Variants in DDO observed in about 807,000 individuals in gnomAD.
DDO encodes the protein D-aspartate oxidase, DDO.
A neutral mutation model predicts 16.8 loss-of-function variants in DDO; 16 were observed. The ratio of observed to expected loss-of-function variants is 0.95; its 90% CI spans 0.65 to 1.45. DDO has a LOEUF of 1.45. Among genes scored for constraint, DDO ranks in the 40% most tolerant of loss-of-function variants. The probability of loss-of-function intolerance (pLI) is 0.00; values close to 1 mark genes in which losing one functional copy is unlikely to be tolerated. For missense variants in DDO, 429 were observed against 420.3 expected, an observed-to-expected ratio of 1.02 and a Z score of -0.18; for synonymous variants, 180 against 167.2, an observed-to-expected ratio of 1.08 and a Z score of -0.59.
At chr6:110,397,100 A>G (rs1306480130) in intron 4 of DDO, among the ~76,000 whole-genome samples, 1 of 152,194 alleles carries the variant, frequency 6.6e-6, no homozygotes, top group African/African-American at 2.4e-5. Context: ...TTATATCCAT[A>G]ATATGGGGGT....
chr6:110,394,569 A>G (rs1166626611), intron 4 of DDO, among the ~76,000 whole-genome samples: 1 of 152,210 alleles, frequency 6.6e-6, no homozygotes. Context: ...GGGCACTGCT[A>G]AGAGGGACCA....
At chr6:110,409,243 C>A (rs1773767414) in intron 2 of DDO, among the ~76,000 whole-genome samples, 1 of 152,186 alleles carries the variant, frequency 6.6e-6, no homozygotes, top group Non-Finnish European at 1.5e-5. Flanking sequence ...AATAAGTGTC[C>A]AGTGTAGGCA....
Position 110,413,465 on chromosome 6 carries a change from G to A in DDO, c.-3C>T, listed in dbSNP as rs375071253. 7 of 1,612,536 alleles carry A rather than the reference G, an allele frequency of 4.3e-6. No individual in the cohort carries two copies. The highest frequency in any genetic ancestry group is 5.9e-6 in the Non-Finnish European group (7 of 1,179,618). On this transcript the variant is annotated splice_region_variant and 5_prime_UTR_variant, in exon 2 of 5. Coordinates refer to ENST00000368924, the MANE Select transcript of DDO (RefSeq NM_001372108.2). ...ACTGCAATCCGTGCTGTGTCCATGA[G>A]CCTGTGAGGAGGGAAATGGGAGCTA...
At chr6:110,408,496 C>G (rs1773735122) in intron 2 of DDO, 54 bp from the exon 3 acceptor site, 6 of 1,513,694 alleles carry the variant, frequency 4.0e-6, no homozygotes, top group Admixed American at 1.8e-5. Flanking sequence ...ATGATAATGA[C>G]AGTGCTTCAA....
intron 2 of DDO, among the ~76,000 whole-genome samples, chr6:110,412,799 T>C (rs571764054): frequency 1.3e-5 from 2 of 152,332 alleles, no homozygotes; most frequent in African/African-American, 4.8e-5. Context: ...TTGGATGTTG[T>C]TTCTGTCCTG....
chr6:110,408,225 A>G, intron 3 of DDO, 109 bp downstream of exon 3: 2 of 976,980 alleles, frequency 2.0e-6, no homozygotes, highest in Non-Finnish European at 3.1e-6. Context: ...TCCTGCATCT[A>G]AGTCAGCACT....
chr6:110,390,314 C>T (rs1053280463), downstream of DDO, among the ~76,000 whole-genome samples: 5 of 152,268 alleles, frequency 3.3e-5, no homozygotes, highest in South Asian at 4.1e-4. Flanking sequence ...GCAGCAGCTC[C>T]GCCCCACCCA....
chr6:110,405,435 A>T (rs1370227714), intron 3 of DDO, among the ~76,000 whole-genome samples: 1 of 152,190 alleles, frequency 6.6e-6, no homozygotes, highest in Admixed American at 6.5e-5. Flanking sequence ...TAAATAGCAG[A>T]TGTTGGTGAC....
Position 110,408,346 on chromosome 6 carries a change from T to G in DDO, c.269A>C (p.His90Pro). The change falls in exon 3 of 5, where the codon CAT becomes CCT. Residue 90 changes from histidine to proline, a missense_variant. By Grantham distance (77) the His-to-Pro change is moderately conservative. Coordinates refer to ENST00000368924, the MANE Select transcript of DDO (RefSeq NM_001372108.2). ...TTTCTTCACTTACCCTGATACCAAA[T>G]GAACACCAGCATCTCCAGCTTCTGC... ...NSAEAGDAGV[H>P]LVSGWQIFQS... The G allele has an allele frequency of 9.9e-6, 16 of 1,614,094 alleles. No individual in the cohort carries two copies. The highest frequency in any genetic ancestry group is 1.3e-5 in the Non-Finnish European group (15 of 1,179,978).
chr6:110,400,035 G>A (rs1773426085), intron 4 of DDO, among the ~76,000 whole-genome samples: 1 of 152,148 alleles, frequency 6.6e-6, no homozygotes, highest in Non-Finnish European at 1.5e-5. Flanking sequence ...TGGCGTTGCC[G>A]TCCTCGCAGC....
downstream of DDO, among the ~76,000 whole-genome samples, chr6:110,390,681 A>G (rs182730437): frequency 4.4e-4 from 67 of 152,354 alleles, no homozygotes; most frequent in Non-Finnish European, 8.7e-4. Flanking sequence ...AAAGGAGTAC[A>G]CTTAAAGCTG....
At chr6:110,403,387 C>G (rs1773546071) in intron 4 of DDO, among the ~76,000 whole-genome samples, 1 of 152,124 alleles carries the variant, frequency 6.6e-6, no homozygotes, top group Admixed American at 6.5e-5. Context: ...AAATTCAACA[C>G]TACACACTAT....
intron 4 of DDO, among the ~76,000 whole-genome samples, chr6:110,397,134 G>A (rs1394810194): frequency 3.9e-5 from 6 of 152,066 alleles, no homozygotes; most frequent in Admixed American, 2.0e-4. Context: ...CTCTAGGCTC[G>A]TTGTGAAAAT....
intron 1 of DDO, 48 bp downstream of exon 1, chr6:110,415,419 A>G: frequency 6.2e-7 from 1 of 1,610,066 alleles, no homozygotes; most frequent in Non-Finnish European, 8.5e-7. Context: ...CCAAACTCCC[A>G]GAGCATGGAC....
chr6:110,411,940 G>A (rs560382070), intron 2 of DDO, among the ~76,000 whole-genome samples: 27 of 152,108 alleles, frequency 1.8e-4, no homozygotes, highest in Admixed American at 5.9e-4. Flanking sequence ...AGGAAAGGAC[G>A]CATGGACATG....
At chr6:110,410,319 T>A (rs1171223362) in intron 2 of DDO, among the ~76,000 whole-genome samples, 1 of 152,200 alleles carries the variant, frequency 6.6e-6, no homozygotes, top group African/African-American at 2.4e-5. Context: ...ATTCCATGAC[T>A]AGCTGGCAGC....
In DDO at chr6:110,393,330, A is replaced by G; in HGVS notation, c.471T>C (p.Ser157=). The change falls in exon 5 of 5, where the codon AGT becomes AGC. Residue 157 remains serine (S), a synonymous_variant. Coordinates refer to ENST00000368924, the MANE Select transcript of DDO (RefSeq NM_001372108.2). ...TTCGCCGAGTGAGTGTCCAGCCTCCACTTCCCTTTATCCTACGGAAGAGAG... is the reference window on the plus strand; with the variant it reads ...TTCGCCGAGTGAGTGTCCAGCCTCCGCTTCCCTTTATCCTACGGAAGAGAG... ...LPWLEKRIKG[S]GGWTLTRRIE... 6.2e-7 allele frequency: 1 copy of G among 1,600,720 alleles called. No homozygotes were observed. Among genetic ancestry groups the G allele is most frequent in the South Asian group, 1.1e-5 (1 of 90,546 alleles).
intron 2 of DDO, among the ~76,000 whole-genome samples, chr6:110,410,799 G>A (rs1350478088): frequency 6.6e-6 from 1 of 152,120 alleles, no homozygotes; most frequent in Non-Finnish European, 1.5e-5. Flanking sequence ...TGGGGATACA[G>A]CCAAACTATA....
chr6:110,395,401 C>T (rs1478954358), intron 4 of DDO, among the ~76,000 whole-genome samples: 2 of 151,936 alleles, frequency 1.3e-5, no homozygotes, highest in African/African-American at 2.4e-5. Flanking sequence ...ATTGGCTCTC[C>T]TGGGTCTCCT....
Sources: gnomAD v4.1 joint callset for allele counts (sites outside exome capture counted in the v4.1 genomes callset) on GRCh38, gnomAD v4.1.1 for gene constraint, MANE v1.5 for transcripts, NCBI Gene and HGNC (gene_info 2026-07-23, HGNC 2026-07-21) for gene names.